Variants in SOX6 observed in about 807,000 individuals in gnomAD.
SOX6 encodes transcription factor SOX-6.
SOX6 carries 11 observed loss-of-function variants against 97.8 expected under a neutral mutation model. The observed-to-expected ratio is 0.11, with a 90% confidence interval of 0.07 to 0.19. SOX6 has a LOEUF of 0.19. Among genes scored for constraint, SOX6 ranks in the 10% least tolerant of loss-of-function variants. SOX6 has a pLI of 1.00. For synonymous variants in SOX6, 360 were observed against 371.4 expected, an observed-to-expected ratio of 0.97 and a Z score of 0.35; for missense variants, 810 against 1,039.5, an observed-to-expected ratio of 0.78 and a Z score of 3.04.
At chr11:16,057,914 G>C (rs937463354) in intron 9 of SOX6, among the ~76,000 whole-genome samples, 4 of 151,990 alleles carry the variant, frequency 2.6e-5, no homozygotes, top group African/African-American at 9.7e-5. Context: ...TTCTCTAAAA[G>C]CATCAGGATC....
intron 1 of SOX6, among the ~76,000 whole-genome samples, chr11:16,374,779 CAATAA>C (rs1857599862): frequency 6.6e-6 from 1 of 151,944 alleles, no homozygotes; most frequent in Non-Finnish European, 1.5e-5. Flanking sequence ...ATCCAAGAAA[CAATAA>C]AATAAAATTG....
chr11:16,405,484 T>C (rs1226185495), intron 1 of SOX6, among the ~76,000 whole-genome samples: 1 of 152,066 alleles, frequency 6.6e-6, no homozygotes, highest in Non-Finnish European at 1.5e-5. Flanking sequence ...GGGACGTGAC[T>C]GTTTGGATGT....
intron 4 of SOX6, among the ~76,000 whole-genome samples, chr11:16,506,342 T>G (rs1038350793): frequency 2.0e-5 from 3 of 152,148 alleles, no homozygotes; most frequent in Non-Finnish European, 4.4e-5. Context: ...CAGACTTGCA[T>G]GGGGCCCTTT....
At chr11:16,447,457 T>TCTC (rs1565149061) in intron 1 of SOX6, among the ~76,000 whole-genome samples, 1 of 17,364 alleles carries the variant, frequency 5.8e-5, no homozygotes, top group African/African-American at 1.5e-4. Context: ...CTCTCTCTCT[T>TCTC]TCTTTCTTTC....
intron 4 of SOX6, among the ~76,000 whole-genome samples, chr11:16,539,281 GA>G (rs913862475): frequency 2.0e-5 from 3 of 152,130 alleles, no homozygotes; most frequent in Non-Finnish European, 2.9e-5. Context: ...TGAGAACAAA[GA>G]CACAACATAC....
chr11:16,003,466 T>G (rs543814268), intron 13 of SOX6, among the ~76,000 whole-genome samples: 1 of 152,206 alleles, frequency 6.6e-6, no homozygotes, highest in African/African-American at 2.4e-5. Flanking sequence ...ACATTTGCCA[T>G]ATTTTATCCA....
intron 7 of SOX6, among the ~76,000 whole-genome samples, chr11:16,103,101 G>A (rs1403911153): frequency 6.6e-6 from 1 of 152,006 alleles, no homozygotes; most frequent in African/African-American, 2.4e-5. Flanking sequence ...CCCACAGAGT[G>A]GGAGAGAATC....
intron 3 of SOX6, among the ~76,000 whole-genome samples, chr11:16,284,599 G>A (rs532227893): frequency 6.6e-6 from 1 of 152,048 alleles, no homozygotes; most frequent in African/African-American, 2.4e-5. Context: ...GGAAGAAAAA[G>A]GTGAATTAAA....
chr11:16,012,424 A>G (rs1308944570), intron 13 of SOX6, among the ~76,000 whole-genome samples: 1 of 152,078 alleles, frequency 6.6e-6, no homozygotes, highest in East Asian at 2.0e-4. Context: ...AACCCCCAAA[A>G]GCACATGAGG....
intron 2 of SOX6, among the ~76,000 whole-genome samples, chr11:16,716,717 G>C (rs1374993476): frequency 1.3e-5 from 2 of 151,492 alleles, no homozygotes; most frequent in East Asian, 3.9e-4. Context: ...TCATACAATG[G>C]CATACTATAT....
rs74970689 is a variant in SOX6, at chr11:16,663,469, C to T, written n.430-51209G>A. ...CCCCAAGTGGCTGGGACTACAGGTGCATGACACCATACTCAGCTAATTTTT... is the reference window on the plus strand; with the variant it reads ...CCCCAAGTGGCTGGGACTACAGGTGTATGACACCATACTCAGCTAATTTTT... On this transcript the variant is annotated intron_variant and non_coding_transcript_variant, in intron 3 of 5. Transcript: ENST00000524520. Among the ~76,000 whole-genome samples, 47 of 152,192 alleles carry T rather than the reference C, an allele frequency of 3.1e-4. No homozygotes were observed. In the East Asian group the frequency reaches 8.3e-3, roughly 27 times the overall value.
At chr11:16,539,087 C>T (rs1861359484) in intron 4 of SOX6, among the ~76,000 whole-genome samples, 1 of 152,216 alleles carries the variant, frequency 6.6e-6, no homozygotes, top group Non-Finnish European at 1.5e-5. Context: ...AAACACTTCT[C>T]AGCAAATGTG....
intron 13 of SOX6, among the ~76,000 whole-genome samples, chr11:16,007,003 A>G (rs1437801149): frequency 6.6e-6 from 1 of 152,036 alleles, no homozygotes; most frequent in East Asian, 1.9e-4. Context: ...CTGAAAATAG[A>G]CAGCAGATAG....
At chr11:16,236,258 A>G (rs539095867) in intron 3 of SOX6, among the ~76,000 whole-genome samples, 29 of 152,224 alleles carry the variant, frequency 1.9e-4, no homozygotes, top group Middle Eastern at 3.4e-3. Context: ...TTGCTTAAAT[A>G]GCCTCTTACT....
At chr11:16,163,061 A>G (rs911611231) in intron 6 of SOX6, among the ~76,000 whole-genome samples, 1 of 152,158 alleles carries the variant, frequency 6.6e-6, no homozygotes, top group African/African-American at 2.4e-5. Flanking sequence ...AAGATAGTGT[A>G]AAAAGGGGAA....
upstream of SOX6, among the ~76,000 whole-genome samples, chr11:16,476,897 T>C (rs1590217694): frequency 6.6e-6 from 1 of 152,326 alleles, no homozygotes; most frequent in East Asian, 1.9e-4. Context: ...GTATAAGCCA[T>C]AATTCAATCC....
At chr11:16,264,432 T>C (rs577676488) in intron 3 of SOX6, 1 of 152,088 alleles carries the variant, frequency 6.6e-6, no homozygotes, top group Admixed American at 6.6e-5. Flanking sequence ...TTTTTATAGC[T>C]ACATATACTC....
intron 12 of SOX6, chr11:16,023,264 T>C (rs1303381004): frequency 6.6e-6 from 1 of 152,128 alleles, no homozygotes. Flanking sequence ...TCTATGTCTG[T>C]TTCCAGTTCT....
At chr11:16,387,739 A>G (rs1451348199) in intron 1 of SOX6, among the ~76,000 whole-genome samples, 1 of 152,108 alleles carries the variant, frequency 6.6e-6, no homozygotes, top group Non-Finnish European at 1.5e-5. Flanking sequence ...CAATATATAA[A>G]CTTATTTTTA....
Sources: gnomAD v4.1 joint callset for allele counts (sites outside exome capture counted in the v4.1 genomes callset) on GRCh38, gnomAD v4.1.1 for gene constraint, MANE v1.5 for transcripts, NCBI Gene and HGNC (gene_info 2026-07-23, HGNC 2026-07-21) for gene names.